Variants in DRC9 observed in about 807,000 individuals in gnomAD.
DRC9 encodes the protein dynein regulatory complex subunit 9.
At chr3:197,938,408 A>G in the DRC9 span, 5 of 668,722 alleles carry the variant, frequency 7.5e-6, no homozygotes, top group Admixed American at 2.5e-5. Flanking sequence ...GGCAGTCTTT[A>G]GCTAATTCTA....
the DRC9 span, chr3:197,913,694 C>A: frequency 1.4e-6 from 1 of 690,998 alleles, no homozygotes; most frequent in Non-Finnish European, 2.6e-6. Flanking sequence ...CTACAGCCCA[C>A]TGGAATCTCT....
At chr3:197,930,817 C>T in the DRC9 span, among the ~76,000 whole-genome samples, 6,376 of 150,898 alleles carry the variant, frequency 0.042, 208 homozygotes, top group African/African-American at 0.09. Context: ...GGGCGGATTA[C>T]GAGGTCAAGA....
At chr3:197,938,794 A>C in the DRC9 span, 1 of 1,567,712 alleles carries the variant, frequency 6.4e-7, no homozygotes. Context: ...TTAAAACAAT[A>C]AACAATTAGA....
At chr3:197,928,777 T>C in the DRC9 span, among the ~76,000 whole-genome samples, 1 of 152,092 alleles carries the variant, frequency 6.6e-6, no homozygotes, top group African/African-American at 2.4e-5. Context: ...TTAAAGAAGA[T>C]ATAAAGCAGA....
chr3:197,889,754 C>T, the DRC9 span: 1 of 1,611,712 alleles, frequency 6.2e-7, no homozygotes, highest in African/African-American at 1.3e-5. Flanking sequence ...GTATGCTATG[C>T]CTGACAAGCT....
the DRC9 span, chr3:197,938,482 T>C: frequency 5.2e-6 from 6 of 1,159,222 alleles, no homozygotes; most frequent in African/African-American, 7.6e-5. Flanking sequence ...GTCAGCCACC[T>C]GGGCGCCCCT....
chr3:197,889,866 C>T, the DRC9 span: 17 of 838,062 alleles, frequency 2.0e-5, no homozygotes, highest in East Asian at 2.5e-4. Flanking sequence ...ATCACTTCAG[C>T]GATGCTCTCC....
the DRC9 span, among the ~76,000 whole-genome samples, chr3:197,929,870 C>CCGAGGCAGG: frequency 1.3e-5 from 2 of 152,014 alleles, no homozygotes; most frequent in Admixed American, 1.3e-4. This position sits in a 1 kb window ranked among gnomAD's most constrained non-coding sequence, Gnocchi z 4.6. Flanking sequence ...CTTTGGGAGG[C>CCGAGGCAGG]CGAGGCAGGC....
chr3:197,892,574 G>A, the DRC9 span: 13 of 1,592,724 alleles, frequency 8.2e-6, no homozygotes, highest in Middle Eastern at 1.7e-4. Context: ...TCCTCAGTGA[G>A]CACCCTAATT....
At chr3:197,925,939 C>G in the DRC9 span, 1 of 801,990 alleles carries the variant, frequency 1.2e-6, no homozygotes, top group South Asian at 1.4e-5. Context: ...ACATGTAACT[C>G]TTCTCTGCTT....
chr3:197,923,176 T>C, the DRC9 span, among the ~76,000 whole-genome samples: 1 of 152,188 alleles, frequency 6.6e-6, no homozygotes. Flanking sequence ...TGCAGTGCAG[T>C]GGGGAGACCA....
chr3:197,954,444 C>A, the DRC9 span: 3 of 431,362 alleles, frequency 7.0e-6, no homozygotes, highest in African/African-American at 6.1e-5. Flanking sequence ...AGCAATCCTT[C>A]CACCTCAGCC....
At chr3:197,891,453 A>G in the DRC9 span, 1 of 1,560,750 alleles carries the variant, frequency 6.4e-7, no homozygotes, top group Non-Finnish European at 8.8e-7. Flanking sequence ...TACCTTTATA[A>G]CGCTCTTTAA....
chr3:197,922,839 A>C, the DRC9 span, among the ~76,000 whole-genome samples: 1 of 152,044 alleles, frequency 6.6e-6, no homozygotes, highest in Non-Finnish European at 1.5e-5. Context: ...TATTTATATT[A>C]GTCTTTTTAA....
chr3:197,893,086 G>A, the DRC9 span, among the ~76,000 whole-genome samples: 7 of 152,034 alleles, frequency 4.6e-5, no homozygotes, highest in African/African-American at 9.7e-5. Flanking sequence ...GGCCAGGCGC[G>A]GTGGCTCACG....
At chr3:197,912,083 T>C in the DRC9 span, among the ~76,000 whole-genome samples, 2 of 152,136 alleles carry the variant, frequency 1.3e-5, no homozygotes, top group East Asian at 3.9e-4. Flanking sequence ...CTCTGTTGCC[T>C]AGGCTGGAGT....
At chr3:197,957,509 G>A in the DRC9 span, 1 of 149,256 alleles carries the variant, frequency 6.7e-6, no homozygotes, top group Non-Finnish European at 1.5e-5. Flanking sequence ...CTAGGCTGGA[G>A]TGCAGTGGCG....
the DRC9 span, among the ~76,000 whole-genome samples, chr3:197,922,963 A>G: frequency 6.6e-6 from 1 of 152,212 alleles, no homozygotes; most frequent in Admixed American, 6.5e-5. Flanking sequence ...GAAGAAAAGT[A>G]GTTTTTAAAA....
At chr3:197,954,182 G>C in the DRC9 span, 1 of 1,607,432 alleles carries the variant, frequency 6.2e-7, no homozygotes, top group Non-Finnish European at 8.5e-7. Context: ...GACGTCTGAT[G>C]AATCAGACTA....
Sources: gnomAD v4.1 joint callset for allele counts (sites outside exome capture counted in the v4.1 genomes callset) on GRCh38, gnomAD v4.1.1 for gene constraint, Gnocchi (gnomAD v3.1) non-coding constraint, MANE v1.5 for transcripts, NCBI Gene and HGNC (gene_info 2026-07-23, HGNC 2026-07-21) for gene names.